The following SGIP1 variants were observed in gnomAD, a reference collection of about 807,000 sequenced individuals.
SGIP1 encodes SH3GL interacting endocytic adaptor 1, also known as SH3-containing GRB2-like protein 3-interacting protein 1.
A neutral mutation model predicts 107.5 loss-of-function variants in SGIP1; 38 were observed. The ratio of observed to expected loss-of-function variants is 0.35; its 90% CI spans 0.27 to 0.46. The LOEUF is 0.46. Ranked by LOEUF, SGIP1 falls within the 20% of genes least tolerant of loss-of-function variation. The probability of loss-of-function intolerance (pLI) is 1.00; values close to 1 mark genes in which losing one functional copy is unlikely to be tolerated. For missense variants in SGIP1, 929 were observed against 1,019.5 expected (o/e 0.91, Z 1.21); for synonymous variants, 365 against 366.1 (o/e 1.00, Z 0.03).
At chr1:66,670,896 T>G in intron 9 of SGIP1, 99 bp from the exon 10 acceptor site, 2 of 540,502 alleles carry the variant, frequency 3.7e-6, no homozygotes, top group Non-Finnish European at 6.2e-6. Context: ...CCTATCTGCA[T>G]TTATTTGAGT....
At chr1:66,723,895 T>C (rs2093647676) in intron 19 of SGIP1, among the ~76,000 whole-genome samples, 1 of 152,052 alleles carries the variant, frequency 6.6e-6, no homozygotes, top group Admixed American at 6.5e-5. Context: ...TCTGTACCTA[T>C]CTCCAAGCAA....
At chr1:66,577,158 C>T in intron 1 of SGIP1, among the ~76,000 whole-genome samples, 1 of 152,180 alleles carries the variant, frequency 6.6e-6, no homozygotes, top group Non-Finnish European at 1.5e-5. Context: ...TCTCTTATCT[C>T]TGCCTGTTAA....
At chr1:66,731,008 C>T (rs2093985112) in intron 20 of SGIP1, among the ~76,000 whole-genome samples, 1 of 152,168 alleles carries the variant, frequency 6.6e-6, no homozygotes, top group Non-Finnish European at 1.5e-5. Flanking sequence ...GCAGTTTCTA[C>T]CGTTACTTTT....
chr1:66,684,258 A>C, intron 15 of SGIP1: 1 of 1,546,820 alleles, frequency 6.5e-7, no homozygotes, highest in South Asian at 1.2e-5. Flanking sequence ...TTTGGTCATA[A>C]ATATTCCAAA....
intron 15 of SGIP1, among the ~76,000 whole-genome samples, chr1:66,687,041 G>C (rs1244593518): frequency 6.6e-6 from 1 of 152,176 alleles, no homozygotes; most frequent in African/African-American, 2.4e-5. Flanking sequence ...AAATCATCTG[G>C]TTCTTCATCC....
intron 7 of SGIP1, among the ~76,000 whole-genome samples, chr1:66,644,333 C>T (rs1246781230): frequency 6.8e-6 from 1 of 146,968 alleles, no homozygotes; most frequent in Non-Finnish European, 1.5e-5. Flanking sequence ...TACAGACAAG[C>T]TAAGATTTGG....
At chr1:66,585,570 T>TTGTGTGTGTGTGTGTGTGTGTGTG (rs113981156) in intron 1 of SGIP1, among the ~76,000 whole-genome samples, 3 of 149,952 alleles carry the variant, frequency 2.0e-5, no homozygotes, top group African/African-American at 7.4e-5. Context: ...GCTTTGGAGT[T>TTGTGTGTGTGTGTGTGTGTGTGTG]TGTGTGTGTG....
chr1:66,563,842 G>A (rs1034512678), intron 1 of SGIP1, among the ~76,000 whole-genome samples: 1 of 151,990 alleles, frequency 6.6e-6, no homozygotes, highest in Non-Finnish European at 1.5e-5. Flanking sequence ...TCAGAAGCTA[G>A]CAAAGAGAAA....
In SGIP1 at chr1:66,604,444, A is replaced by G. The variant is rs149831147; in HGVS notation, c.11-21403A>G. Among the ~76,000 whole-genome samples, 4 of 152,344 alleles carry G rather than the reference A, an allele frequency of 2.6e-5. No individual in the cohort carries two copies. In the East Asian group the frequency reaches 7.7e-4, roughly 29 times the overall value. On this transcript the variant is annotated intron_variant, in intron 1 of 24. Transcript: ENST00000371037. ...AGTCAAATAACGTGAAAATACCAAA[A>G]GAGTCAAAATGGACAATTTATATGG...
At chr1:66,602,446 G>T (rs923486760) in intron 1 of SGIP1, among the ~76,000 whole-genome samples, 1 of 151,978 alleles carries the variant, frequency 6.6e-6, no homozygotes, top group Non-Finnish European at 1.5e-5. Flanking sequence ...TTTCTGATTT[G>T]GGCTTTCTGA....
intron 1 of SGIP1, among the ~76,000 whole-genome samples, chr1:66,595,850 G>T (rs367687808): frequency 1.5e-4 from 23 of 152,200 alleles, no homozygotes; most frequent in African/African-American, 5.3e-4. Flanking sequence ...GAGTCCATTT[G>T]TTCATATTCT....
In SGIP1 at chr1:66,747,443, T is replaced by A. The variant is rs1282498581; in HGVS notation, c.*4348T>A. ...CTTAAAGTTACTCTGTTATACTATC[T>A]CAGTCTCAAAGTAGCCTGAAATGCA... On this transcript the variant is annotated 3_prime_UTR_variant, in exon 25 of 25. Transcript: ENST00000371037. The A allele has an allele frequency of 6.6e-6, 1 of 152,040 alleles. No individual in the cohort carries two copies. Among genetic ancestry groups the A allele is most frequent in the Non-Finnish European group, 1.5e-5 (1 of 67,904 alleles). 9.4% of individuals were successfully genotyped at this position (152,040 alleles called of 1,614,324 possible).
intron 2 of SGIP1, among the ~76,000 whole-genome samples, chr1:66,632,503 A>G (rs2074977510): frequency 1.3e-5 from 2 of 152,172 alleles, no homozygotes; most frequent in South Asian, 4.1e-4. Context: ...GGCTGGGCTC[A>G]GTGATGCTCT....
chr1:66,724,623 C>T (rs927746432), intron 19 of SGIP1, among the ~76,000 whole-genome samples: 2 of 152,108 alleles, frequency 1.3e-5, no homozygotes, highest in Admixed American at 6.5e-5. Context: ...AAAGCAGAGG[C>T]TATTTTGCTC....
At chr1:66,537,751 A>T (rs1172365567) in intron 1 of SGIP1, among the ~76,000 whole-genome samples, 1 of 152,100 alleles carries the variant, frequency 6.6e-6, no homozygotes, top group Non-Finnish European at 1.5e-5. Context: ...TACTACTCAT[A>T]ATAACCTGAA....
At position 66,744,438 on chromosome 1, in the gene SGIP1, C is replaced by A. The variant is rs1464057057; in HGVS notation, c.*1343C>A. 2.0e-5 allele frequency: 3 copies of A among 152,052 alleles called. No homozygotes were observed. The highest frequency in any genetic ancestry group is 7.2e-5 in the African/African-American group (3 of 41,430). 9.4% of individuals were successfully genotyped at this position (152,052 alleles called of 1,614,324 possible). On this transcript the variant is annotated 3_prime_UTR_variant, in exon 25 of 25. Transcript: ENST00000371037. ...TCGGGAGTCTCAGTTGTAAAACCTT[C>A]CCTCATTAATATCTGAAAATGTTAG...
intron 5 of SGIP1, 97 bp from the exon 6 acceptor site, chr1:66,642,713 A>C: frequency 9.8e-7 from 1 of 1,017,562 alleles, no homozygotes; most frequent in Non-Finnish European, 1.4e-6. Context: ...AAAAGAAAAG[A>C]CTTTTCTATA....
chr1:66,735,460 G>A lies in SGIP1; in HGVS notation c.2031+1580G>A, dbSNP rs139405750. 4.0e-5 allele frequency among the ~76,000 whole-genome samples: 6 copies of A among 151,820 alleles called. No individual in the cohort carries two copies. In the South Asian group the frequency reaches 6.3e-4, roughly 16 times the overall value. On this transcript the variant is annotated intron_variant, in intron 21 of 24. Transcript: ENST00000371037. ...GAACTCCCAGCCTCAGATGATCCCC[G>A]TTCCTTGGCCTCCCAAAGTGCCACT...
intron 7 of SGIP1, among the ~76,000 whole-genome samples, chr1:66,657,215 T>G (rs1557482947): frequency 6.6e-6 from 1 of 152,034 alleles, no homozygotes; most frequent in Non-Finnish European, 1.5e-5. Context: ...AAGAGGAAGA[T>G]TCAGGATACA....
Sources: gnomAD v4.1 joint callset for allele counts (sites outside exome capture counted in the v4.1 genomes callset) on GRCh38, gnomAD v4.1.1 for gene constraint, MANE v1.5 for transcripts, NCBI Gene and HGNC (gene_info 2026-07-23, HGNC 2026-07-21) for gene names.